Variants in ANXA8 observed in about 807,000 individuals in gnomAD.
The protein encoded by ANXA8 is VAC-beta.
A neutral mutation model predicts 26.8 loss-of-function variants in ANXA8; 9 were observed. That is an observed-to-expected ratio of 0.34 (90% CI 0.20 to 0.59). ANXA8 has a LOEUF of 0.59. Ranked by LOEUF, ANXA8 falls within the 20% of genes least tolerant of loss-of-function variation. The pLI is 0.84. For missense variants in ANXA8, 83 were observed against 238.5 expected (o/e 0.35, Z 4.29); for synonymous variants, 39 against 94.8 (o/e 0.41, Z 3.42).
At chr10:47,648,886 ATACT>A in the ANXA8 span, among the ~76,000 whole-genome samples, 1 of 45,772 alleles carries the variant, frequency 2.2e-5, no homozygotes, top group Admixed American at 3.1e-4. Context: ...CTAAATCTAG[ATACT>A]TAATAAGAAT....
At chr10:47,621,283 A>G in the ANXA8 span, among the ~76,000 whole-genome samples, 1 of 109,618 alleles carries the variant, frequency 9.1e-6, no homozygotes, top group Non-Finnish European at 2.0e-5. Flanking sequence ...GGATGTTGGT[A>G]GAGACCCATC....
chr10:47,557,377 ATC>A, the ANXA8 span, among the ~76,000 whole-genome samples: 24 of 151,754 alleles, frequency 1.6e-4, 1 homozygote, highest in African/African-American at 5.8e-4. Flanking sequence ...CTGAATTTTT[ATC>A]TGAGACATAG....
At chr10:47,579,831 A>G in the ANXA8 span, among the ~76,000 whole-genome samples, 1 of 133,852 alleles carries the variant, frequency 7.5e-6, no homozygotes, top group Non-Finnish European at 1.6e-5. Context: ...AAAACATTTT[A>G]TGTTCGTAAG....
the ANXA8 span, among the ~76,000 whole-genome samples, chr10:47,692,940 G>A: frequency 2.0e-5 from 3 of 151,218 alleles, no homozygotes; most frequent in Non-Finnish European, 4.4e-5. Context: ...TCACCATGTT[G>A]GCCGGGCTGG....
the ANXA8 span, among the ~76,000 whole-genome samples, chr10:47,898,811 A>AT: frequency 0.013 from 716 of 56,182 alleles, 53 homozygotes; most frequent in East Asian, 0.053. Flanking sequence ...AAGAGAATGG[A>AT]TTTTTTTTTT....
chr10:47,477,005 GT>G, intron 4 of ANXA8, 75 bp downstream of exon 4: 2 of 1,535,090 alleles, frequency 1.3e-6, no homozygotes, highest in Non-Finnish European at 1.8e-6. Context: ...TGGGCTGTAG[GT>G]TCCCGGTCCC....
chr10:47,898,811 A>ATTTTTTTT, the ANXA8 span, among the ~76,000 whole-genome samples: 642 of 56,210 alleles, frequency 0.011, 44 homozygotes, highest in Admixed American at 0.025. Context: ...AAGAGAATGG[A>ATTTTTTTT]TTTTTTTTTT....
At chr10:47,597,484 A>ATAGGATTC in the ANXA8 span, among the ~76,000 whole-genome samples, 56 of 145,588 alleles carry the variant, frequency 3.8e-4, 2 homozygotes, top group Non-Finnish European at 6.7e-4. Context: ...TTCACTGATG[A>ATAGGATTC]TAGGATTCTA....
At chr10:47,485,589 T>A (rs1238511), upstream of ANXA8, among the ~76,000 whole-genome samples, 1 of 151,962 alleles carries the variant, frequency 6.6e-6, no homozygotes, top group Non-Finnish European at 1.5e-5. Flanking sequence ...AACACCTTTT[T>A]TTCTCATTTC....
the ANXA8 span, among the ~76,000 whole-genome samples, chr10:47,667,772 C>G: frequency 6.6e-6 from 1 of 151,908 alleles, no homozygotes; most frequent in Admixed American, 6.6e-5. Flanking sequence ...GAGTATCACT[C>G]TGTTGCCCAG....
the ANXA8 span, among the ~76,000 whole-genome samples, chr10:47,720,897 A>G: frequency 7.1e-6 from 1 of 140,254 alleles, no homozygotes; most frequent in African/African-American, 2.6e-5. Flanking sequence ...CTGTAATCCC[A>G]GCACTTTGGG....
chr10:47,589,826 G>C, the ANXA8 span, among the ~76,000 whole-genome samples: 2 of 145,050 alleles, frequency 1.4e-5, 1 homozygote, highest in African/African-American at 5.7e-5. Context: ...GCTTGGAGCA[G>C]CTCAGATTCT....
At chr10:47,553,964 C>T in the ANXA8 span, among the ~76,000 whole-genome samples, 21 of 149,294 alleles carry the variant, frequency 1.4e-4, 1 homozygote, top group Admixed American at 3.4e-4. Context: ...ATCTCGCGTT[C>T]TGGGGGTGCC....
At chr10:47,550,075 C>A in the ANXA8 span, among the ~76,000 whole-genome samples, 16 of 151,760 alleles carry the variant, frequency 1.1e-4, no homozygotes, top group African/African-American at 3.9e-4. Flanking sequence ...TGTAATCACA[C>A]CACTGCATTC....
the ANXA8 span, among the ~76,000 whole-genome samples, chr10:47,694,768 C>A: frequency 2.6e-5 from 4 of 151,630 alleles, no homozygotes; most frequent in Non-Finnish European, 5.9e-5. Flanking sequence ...TTGTTGAATA[C>A]CAACACAGTA....
chr10:47,567,728 T>A, the ANXA8 span, among the ~76,000 whole-genome samples: 84 of 145,052 alleles, frequency 5.8e-4, no homozygotes, highest in South Asian at 5.1e-3. Flanking sequence ...TTATTATGTT[T>A]TATATATATA....
At chr10:47,683,399 T>G in the ANXA8 span, among the ~76,000 whole-genome samples, 1 of 151,722 alleles carries the variant, frequency 6.6e-6, no homozygotes, top group African/African-American at 2.4e-5. Flanking sequence ...CAGCTAATTT[T>G]TTGTATTTTT....
chr10:47,694,595 AT>A, the ANXA8 span, among the ~76,000 whole-genome samples: 2 of 151,382 alleles, frequency 1.3e-5, 1 homozygote, highest in Middle Eastern at 6.8e-3. Flanking sequence ...TAATTTTTGT[AT>A]TTTTAGTAGA....
chr10:47,740,833 A>G, the ANXA8 span, among the ~76,000 whole-genome samples: 4 of 139,678 alleles, frequency 2.9e-5, no homozygotes, highest in African/African-American at 7.9e-5. Flanking sequence ...CTTGTTGTGG[A>G]CATAAGTTTT....
Sources: allele counts gnomAD v4.1 joint callset (sites outside exome capture counted in the v4.1 genomes callset), GRCh38; gene constraint gnomAD v4.1.1; transcripts MANE v1.5; gene names NCBI Gene and HGNC (gene_info 2026-07-23, HGNC 2026-07-21).